CFHR1: variants seen among roughly 807,000 people sequenced by gnomAD.
CFHR1 encodes the protein complement factor H related 1.
Under a neutral mutation model 30.4 loss-of-function variants are expected in CFHR1, and 22 were observed. That is an observed-to-expected ratio of 0.72 (90% CI 0.52 to 1.03). The LOEUF is 1.03. Ranked by LOEUF, CFHR1 falls within the 50% of genes least tolerant of loss-of-function variation. The pLI is 0.00. For synonymous variants in CFHR1, 95 were observed against 129.1 expected, an observed-to-expected ratio of 0.74 and a Z score of 1.79; for missense variants, 248 against 380.6, an observed-to-expected ratio of 0.65 and a Z score of 2.90.
chr1:196,824,220 TA>T (rs1409219048), intron 1 of CFHR1, among the ~76,000 whole-genome samples: 2 of 132,280 alleles, frequency 1.5e-5, no homozygotes, highest in Admixed American at 7.4e-5. Flanking sequence ...TATTTGTACA[TA>T]ACCTGTGCAT....
rs1158482216 is a variant in CFHR1 at position 196,828,998 on chromosome 1, T to C, written c.607+752T>C. On this transcript the variant is annotated intron_variant, in intron 4 of 5. Transcript: ENST00000320493. ...AACCTCTGTCATTTATTTGTTTCTG[T>C]CTGTTCCCTCTGGGTTTCAGTCCTA... 7.5e-4 allele frequency among the ~76,000 whole-genome samples: 101 copies of C among 134,222 alleles called. 25 individuals are homozygous for C. The highest frequency in any genetic ancestry group is 2.8e-3 in the African/African-American group (87 of 31,312). The allele number at this position is 134,222 out of a possible 152,430, so 88.1% of individuals were successfully genotyped here. A position where few individuals can be genotyped will look rare whatever the true frequency, so the allele number is the denominator to read the frequency against.
chr1:196,823,870 G>A lies in CFHR1; in HGVS notation c.59-1607G>A, dbSNP rs1655218699. Among the ~76,000 whole-genome samples, 4 of 133,892 alleles carry A rather than the reference G, an allele frequency of 3.0e-5. 1 individual carries two copies. The South Asian group carries it at 7.8e-4, about 26-fold the overall frequency. The allele number at this position is 133,892 out of a possible 152,430, so 87.8% of individuals were successfully genotyped here. A position where few individuals can be genotyped will look rare whatever the true frequency, so the allele number is the denominator to read the frequency against. ...GGTGGTAATTATATTGACAGTGAGG[G>A]AGCTTATGCATGTGGTAGGGAAGAG... On this transcript the variant is annotated intron_variant, in intron 1 of 5. Transcript: ENST00000320493.
At position 196,830,447 on chromosome 1, in the gene CFHR1, T is replaced by C. The variant is rs1233754948; in HGVS notation, c.608-53T>C. The stretch of plus-strand genomic sequence containing the variant: ...TGTTTGTATTTGCCTTATTTGAACT[T>C]GTATTTTGATTTGCTCTCACAATAA... On this transcript the variant is annotated intron_variant, in intron 4 of 5. Transcript: ENST00000320493. 27 of 1,495,322 alleles carry C rather than the reference T, an allele frequency of 1.8e-5. 2 individuals are homozygous for C. In the East Asian group the frequency reaches 5.6e-4, roughly 31 times the overall value. 92.6% of individuals were successfully genotyped at this position (1,495,322 alleles called of 1,614,324 possible). A position where few individuals can be genotyped will look rare whatever the true frequency, so the allele number is the denominator to read the frequency against.
chr1:196,830,390 T>C, intron 4 of CFHR1, 110 bp from the exon 5 acceptor site: 2 of 1,217,098 alleles, frequency 1.6e-6, no homozygotes, highest in Non-Finnish European at 2.3e-6. Flanking sequence ...TTACCAGAAA[T>C]CACAAAACTG....
At chr1:196,825,813 G>C in intron 2 of CFHR1, 142 bp downstream of exon 2, 1 of 782,712 alleles carries the variant, frequency 1.3e-6, no homozygotes. Context: ...CCCCTATTTT[G>C]AGATGCCTCC....
Position 196,830,783 on chromosome 1 carries a change from T to C in CFHR1, c.790+101T>C, listed in dbSNP as rs1428174015. The C allele has an allele frequency of 8.6e-6, 12 of 1,401,574 alleles. 2 individuals carry two copies. The highest frequency in any genetic ancestry group is 1.2e-5 in the Non-Finnish European group (12 of 1,022,450). 86.8% of individuals were successfully genotyped at this position (1,401,574 alleles called of 1,614,324 possible). Reference sequence around the variant, plus strand: ...ATCACAGATTATTGAACAACCATTCTGCTGAATGCCTGCCTACCAAAAATT... The same window carrying C: ...ATCACAGATTATTGAACAACCATTCCGCTGAATGCCTGCCTACCAAAAATT... On this transcript the variant is annotated intron_variant, in intron 5 of 5. Coordinates refer to ENST00000320493, the MANE Select transcript of CFHR1 (RefSeq NM_002113.3).
chr1:196,820,568 A>G (rs1438474580), intron 1 of CFHR1, among the ~76,000 whole-genome samples: 1 of 123,878 alleles, frequency 8.1e-6, no homozygotes, highest in Non-Finnish European at 1.6e-5. Context: ...AGGCCACCAT[A>G]TCAAAGGAAT....
chr1:196,826,181 T>C lies in CFHR1; in HGVS notation c.253+510T>C, dbSNP rs1655314216. ...CAGGTGTATTAAAAGAAAAAAAAAT[T>C]GGGAGACAGATACATGAGGCAACAA... On this transcript the variant is annotated intron_variant, in intron 2 of 5. Transcript: ENST00000320493. Among the ~76,000 whole-genome samples, 2 of 134,372 alleles carry C rather than the reference T, an allele frequency of 1.5e-5. 1 individual carries two copies. The highest frequency in any genetic ancestry group is 3.1e-5 in the Non-Finnish European group (2 of 64,112). 88.2% of individuals were successfully genotyped at this position (134,372 alleles called of 152,430 possible).
intron 1 of CFHR1, among the ~76,000 whole-genome samples, chr1:196,824,779 T>TATATATATATATATATATAA (rs1294081139): frequency 8.9e-6 from 1 of 112,234 alleles, no homozygotes; most frequent in Non-Finnish European, 1.8e-5. Flanking sequence ...TATATATATA[T>TATATATATATATATATATAA]ATGTGCGTGT....
rs1188362374 is a variant in CFHR1, at chr1:196,830,913, G to A, written c.790+231G>A. Among the ~76,000 whole-genome samples, 4 of 134,296 alleles carry A rather than the reference G, an allele frequency of 3.0e-5. 1 individual carries two copies. The highest frequency in any genetic ancestry group is 6.2e-5 in the Non-Finnish European group (4 of 64,030). The allele number at this position is 134,296 out of a possible 152,430, so 88.1% of individuals were successfully genotyped here. A position where few individuals can be genotyped will look rare whatever the true frequency, so the allele number is the denominator to read the frequency against. Reference sequence around the variant, plus strand: ...GAGGCCGAGGCGGGCAGATCACGAGGTCAGGAGATTGAGACCATCCTGGCT... The same window carrying A: ...GAGGCCGAGGCGGGCAGATCACGAGATCAGGAGATTGAGACCATCCTGGCT... On this transcript the variant is annotated intron_variant, in intron 5 of 5. Transcript: ENST00000320493.
At chr1:196,827,097 A>C (rs1655357813) in intron 3 of CFHR1, 92 bp downstream of exon 3, 1 of 1,270,980 alleles carries the variant, frequency 7.9e-7, no homozygotes, top group East Asian at 2.3e-5. Flanking sequence ...AGGTTTTGCC[A>C]CATACTTTTA....
rs182431732 is a variant in CFHR1, at chr1:196,830,521, C to T, written c.629C>T (p.Pro210Leu). The T allele has an allele frequency of 1.2e-5, 19 of 1,524,612 alleles. 4 individuals are homozygous for T. Among genetic ancestry groups the T allele is most frequent in the Middle Eastern group, 3.7e-4 (2 of 5,356 alleles). The allele number at this position is 1,524,612 out of a possible 1,614,324, so 94.4% of individuals were successfully genotyped here. The change falls in exon 5 of 6, where the codon CCC becomes CTC. Residue 210 changes from proline (P) to leucine (L), a missense_variant. Around this residue, in one of 3 missense-constraint regions of CFHR1, gnomAD observed 112 missense variants for 156.4 expected, o/e 0.72. Transcript: ENST00000320493. ...QCKDSTGKCG[P>L]PPPIDNGDIT... ...TTAGATTCTACGGGAAAATGTGGGCCCCCTCCACCTATTGACAATGGGGAC... is the reference window on the plus strand; with the variant it reads ...TTAGATTCTACGGGAAAATGTGGGCTCCCTCCACCTATTGACAATGGGGAC...
intron 1 of CFHR1, among the ~76,000 whole-genome samples, chr1:196,821,754 TG>T (rs1655128486): frequency 2.1e-5 from 2 of 97,000 alleles, no homozygotes. Context: ...TGTGTGTGTG[TG>T]TGTGTGTGTG....
intron 1 of CFHR1, among the ~76,000 whole-genome samples, chr1:196,822,520 C>A (rs1655156210): frequency 7.6e-6 from 1 of 132,396 alleles, no homozygotes; most frequent in East Asian, 2.0e-4. Flanking sequence ...TATTTATTTA[C>A]TTTTTAAACC....
rs34212723 is a variant in CFHR1, at chr1:196,827,758, T to TG, written c.431-312_431-311insG. Among the ~76,000 whole-genome samples the TG allele has an allele frequency of 1.6e-5, 2 of 128,700 alleles. 1 individual carries two copies. The highest frequency in any genetic ancestry group is 6.9e-5 in the African/African-American group (2 of 28,988). 84.4% of individuals were successfully genotyped at this position (128,700 alleles called of 152,430 possible). ...AATAAATAGAACTGGTAATATTTGT[T>TG]TACTCAAACTCAAAGAGAGATATCC... is the stretch of plus-strand genomic sequence containing the variant. On this transcript the variant is annotated intron_variant, in intron 3 of 5. Coordinates refer to ENST00000320493, the MANE Select transcript of CFHR1 (RefSeq NM_002113.3).
At position 196,823,449 on chromosome 1, in the gene CFHR1, G is replaced by C. The variant is rs2124886098; in HGVS notation, c.59-2028G>C. ...AGGATAATTGAAAGAGTTATGGTAGGTTAATACTATCAAGACGGGAGTCTT... is the reference window on the plus strand; with the variant it reads ...AGGATAATTGAAAGAGTTATGGTAGCTTAATACTATCAAGACGGGAGTCTT... On this transcript the variant is annotated intron_variant, in intron 1 of 5. Coordinates refer to ENST00000320493, the MANE Select transcript of CFHR1 (RefSeq NM_002113.3). Among the ~76,000 whole-genome samples, 2 of 134,870 alleles carry C rather than the reference G, an allele frequency of 1.5e-5. 1 individual carries two copies. The highest frequency in any genetic ancestry group is 5.1e-4 in the South Asian group (2 of 3,904). The allele number at this position is 134,870 out of a possible 152,430, so 88.5% of individuals were successfully genotyped here.
chr1:196,825,648 G>T lies in CFHR1; in HGVS notation c.230G>T (p.Trp77Leu). 6.6e-7 allele frequency: 1 copy of T among 1,523,868 alleles called. No individual in the cohort carries two copies. Among genetic ancestry groups the T allele is most frequent in the Non-Finnish European group, 8.9e-7 (1 of 1,128,316 alleles). 94.4% of individuals were successfully genotyped at this position (1,523,868 alleles called of 1,614,324 possible). A position where few individuals can be genotyped will look rare whatever the true frequency, so the allele number is the denominator to read the frequency against. Residue 77 changes from tryptophan to leucine, a missense_variant, in exon 2 of 6, where the codon TGG becomes TTG. Coordinates refer to ENST00000320493, the MANE Select transcript of CFHR1 (RefSeq NM_002113.3). ...WTRITCTEEG[W>L]SPTPKCLRLC... ...CGCATAACATGCACAGAAGAAGGAT[G>T]GTCACCAACACCAAAGTGTCTCAGT...
rs913774783 is a variant in CFHR1, at chr1:196,828,355, T to A, written c.607+109T>A. The A allele has an allele frequency of 2.2e-5, 19 of 851,170 alleles. 1 individual carries two copies. The Admixed American group carries it at 4.7e-4, about 21-fold the overall frequency. 52.7% of individuals were successfully genotyped at this position (851,170 alleles called of 1,614,324 possible). A position where few individuals can be genotyped will look rare whatever the true frequency, so the allele number is the denominator to read the frequency against. ...TATTAATAGATTTTTCAAATGCAAA[T>A]AAAATGATTGATGGTGCTTAAAATT... On this transcript the variant is annotated intron_variant, in intron 4 of 5. Transcript: ENST00000320493.
chr1:196,830,798 T>G, intron 5 of CFHR1, 116 bp downstream of exon 5: 1 of 1,333,938 alleles, frequency 7.5e-7, no homozygotes, highest in Non-Finnish European at 1.0e-6. Flanking sequence ...AATGCCTGCC[T>G]ACCAAAAATT....
Sources: allele counts gnomAD v4.1 joint callset (sites outside exome capture counted in the v4.1 genomes callset), GRCh38; gene constraint gnomAD v4.1.1; regional missense constraint gnomAD v4.1.1; transcripts MANE v1.5; gene names NCBI Gene and HGNC (gene_info 2026-07-23, HGNC 2026-07-21).